Variants in CFAP210 observed in about 807,000 individuals in gnomAD.
CFAP210 encodes the protein cilia- and flagella- associated protein 210.
the CFAP210 span, among the ~76,000 whole-genome samples, chr2:169,676,023 G>T: frequency 6.6e-6 from 1 of 152,082 alleles, no homozygotes; most frequent in Non-Finnish European, 1.5e-5. Context: ...TTAAATTTAG[G>T]TGTTTCGTCT....
chr2:169,651,164 T>A, the CFAP210 span, among the ~76,000 whole-genome samples: 2 of 145,886 alleles, frequency 1.4e-5, no homozygotes, highest in African/African-American at 5.2e-5. Context: ...GAGGCGTAGG[T>A]TGCAGTCAGC....
chr2:169,674,531 T>G, the CFAP210 span: 1 of 1,439,954 alleles, frequency 6.9e-7, no homozygotes, highest in South Asian at 1.3e-5. Flanking sequence ...ACATCCATTA[T>G]GAGAAAACGA....
At chr2:169,667,618 C>T in the CFAP210 span, among the ~76,000 whole-genome samples, 151,213 of 152,304 alleles carry the variant, frequency 0.99, 75,079 homozygotes, top group East Asian at 1. Context: ...GCAGAATGGA[C>T]GTTATGTTAA....
At chr2:169,650,700 T>C in the CFAP210 span, among the ~76,000 whole-genome samples, 3 of 151,674 alleles carry the variant, frequency 2.0e-5, no homozygotes, top group Admixed American at 6.6e-5. Flanking sequence ...AAGTAACATA[T>C]ATTCTAAAAT....
chr2:169,652,829 A>C, the CFAP210 span, among the ~76,000 whole-genome samples: 4 of 148,292 alleles, frequency 2.7e-5, no homozygotes, highest in Non-Finnish European at 6.0e-5. Context: ...CCCCGTCTCT[A>C]CTAAAAATTA....
chr2:169,662,826 T>G, the CFAP210 span, among the ~76,000 whole-genome samples: 1 of 152,222 alleles, frequency 6.6e-6, no homozygotes, highest in Non-Finnish European at 1.5e-5. Flanking sequence ...TCTCAAGGAA[T>G]GCAGTTTGAT....
chr2:169,680,917 G>A, the CFAP210 span: 1 of 1,103,504 alleles, frequency 9.1e-7, no homozygotes, highest in Non-Finnish European at 1.3e-6. Context: ...AATTTTACAT[G>A]TAAAAAAATT....
the CFAP210 span, among the ~76,000 whole-genome samples, chr2:169,692,440 G>GCACACA: frequency 3.3e-5 from 3 of 92,120 alleles, no homozygotes; most frequent in African/African-American, 1.4e-4. Flanking sequence ...GGCAACAGGC[G>GCACACA]CACGCACACA....
chr2:169,652,563 G>A, the CFAP210 span, among the ~76,000 whole-genome samples: 4 of 152,102 alleles, frequency 2.6e-5, no homozygotes, highest in South Asian at 2.1e-4. Flanking sequence ...GATCACGCCT[G>A]TGAATGGTCA....
the CFAP210 span, chr2:169,661,404 C>A: frequency 2.7e-6 from 1 of 372,250 alleles, no homozygotes; most frequent in Non-Finnish European, 5.2e-6. Flanking sequence ...TCCTCTTGAA[C>A]CTCCAAGCAC....
chr2:169,670,307 C>T, the CFAP210 span, among the ~76,000 whole-genome samples: 5 of 152,008 alleles, frequency 3.3e-5, no homozygotes, highest in East Asian at 5.8e-4. Context: ...GTCTTATCGC[C>T]GTCACACCCA....
the CFAP210 span, among the ~76,000 whole-genome samples, chr2:169,672,001 C>A: frequency 1.3e-5 from 2 of 152,266 alleles, 1 homozygote; most frequent in East Asian, 3.9e-4. Flanking sequence ...CTCCTCTTCC[C>A]AACTCAGGTT....
the CFAP210 span, among the ~76,000 whole-genome samples, chr2:169,686,981 A>G: frequency 0.45 from 68,963 of 152,054 alleles, 16,485 homozygotes; most frequent in African/African-American, 0.59. Context: ...GGTGAGAGGC[A>G]AAAGGCACTT....
the CFAP210 span, among the ~76,000 whole-genome samples, chr2:169,673,626 A>G: frequency 6.6e-6 from 1 of 152,200 alleles, no homozygotes; most frequent in Non-Finnish European, 1.5e-5. Flanking sequence ...AAAAGCATGT[A>G]ATAAGACAAT....
At chr2:169,685,417 A>G in the CFAP210 span, among the ~76,000 whole-genome samples, 2 of 152,212 alleles carry the variant, frequency 1.3e-5, no homozygotes, top group East Asian at 3.8e-4. Flanking sequence ...GTTTGGAGAA[A>G]TATCAGTTCA....
At chr2:169,645,970 C>G in the CFAP210 span, 1 of 1,613,932 alleles carries the variant, frequency 6.2e-7, no homozygotes, top group Non-Finnish European at 8.5e-7. Flanking sequence ...CACCTCTGTC[C>G]ACAAACACTG....
chr2:169,669,280 T>G, the CFAP210 span, among the ~76,000 whole-genome samples: 1 of 152,048 alleles, frequency 6.6e-6, no homozygotes, highest in African/African-American at 2.4e-5. Context: ...GCATCATAAC[T>G]AAGAGGAAGG....
the CFAP210 span, among the ~76,000 whole-genome samples, chr2:169,688,501 A>C: frequency 6.6e-6 from 1 of 152,204 alleles, no homozygotes; most frequent in South Asian, 2.1e-4. Flanking sequence ...TGCCCTTAAC[A>C]GTATCCAACT....
At chr2:169,660,886 A>C in the CFAP210 span, 3 of 363,930 alleles carry the variant, frequency 8.2e-6, no homozygotes, top group Admixed American at 1.1e-4. Flanking sequence ...TATAGGCATG[A>C]GCCACTACGC....
Sources: gnomAD v4.1 joint callset for allele counts (sites outside exome capture counted in the v4.1 genomes callset) on GRCh38, gnomAD v4.1.1 for gene constraint, MANE v1.5 for transcripts, NCBI Gene and HGNC (gene_info 2026-07-23, HGNC 2026-07-21) for gene names.